RYK: variants seen among roughly 807,000 people sequenced by gnomAD.
RYK encodes the protein inactive tyrosine-protein kinase RYK.
A neutral mutation model predicts 70.2 loss-of-function variants in RYK; 21 were observed. The observed-to-expected ratio is 0.30, with a 90% CI of 0.21 to 0.43. The LOEUF (loss-of-function observed/expected upper bound fraction) is 0.43. Ranked by LOEUF, RYK falls within the 20% of genes least tolerant of loss-of-function variation. The pLI, the probability that RYK is intolerant of heterozygous loss-of-function variation, is 1.00. For missense variants in RYK, 604 were observed against 753.3 expected, an observed-to-expected ratio of 0.80 and a Z score of 2.32; for synonymous variants, 267 against 278.0, an observed-to-expected ratio of 0.96 and a Z score of 0.39.
In RYK at chr3:134,229,379, G is replaced by GAAA. The variant is rs753782991; in HGVS notation, c.233-6841_233-6840insTTT. Among the ~76,000 whole-genome samples, 9 of 61,430 alleles carry GAAA rather than the reference G, an allele frequency of 1.5e-4. 1 individual carries two copies. The South Asian group carries it at 2.2e-3, about 15-fold the overall frequency. 40.3% of individuals were successfully genotyped at this position (61,430 alleles called of 152,430 possible). ...TCTCTCCCTTGCTCTCCTTTGGGCT[G>GAAA]GAAAAAAAAAAAAAAAAAACGTAGG... On this transcript the variant is annotated intron_variant, in intron 1 of 14. Coordinates refer to ENST00000623711, the MANE Select transcript of RYK (RefSeq NM_002958.4).
intron 1 of RYK, among the ~76,000 whole-genome samples, chr3:134,246,353 G>T: frequency 8.9e-6 from 1 of 112,536 alleles, no homozygotes; most frequent in East Asian, 2.4e-4. Context: ...CAGAGAGAGA[G>T]AAAATAAAGG....
At chr3:134,248,415 T>C (rs1306065043) in intron 1 of RYK, among the ~76,000 whole-genome samples, 1 of 152,166 alleles carries the variant, frequency 6.6e-6, no homozygotes, top group Non-Finnish European at 1.5e-5. Context: ...AAGTGCTAAT[T>C]AGCAATGATT....
intron 1 of RYK, among the ~76,000 whole-genome samples, chr3:134,244,247 C>T (rs2015395405): frequency 6.6e-6 from 1 of 152,138 alleles, no homozygotes; most frequent in South Asian, 2.1e-4. Flanking sequence ...TGGCACTGCC[C>T]AGCCATATGC....
intron 9 of RYK, among the ~76,000 whole-genome samples, chr3:134,187,596 C>G (rs2013505179): frequency 6.6e-6 from 1 of 152,086 alleles, no homozygotes; most frequent in Non-Finnish European, 1.5e-5. Flanking sequence ...GCTCTGTCAC[C>G]TAGGCTGGAG....
rs2108136186 is a variant in RYK, at chr3:134,158,259, G to A, written c.1718C>T (p.Ala573Val). 2 of 1,552,840 alleles carry A rather than the reference G, an allele frequency of 1.3e-6. No individual in the cohort carries two copies. Among genetic ancestry groups the A allele is most frequent in the Admixed American group, 1.9e-5 (1 of 52,548 alleles). ...QPINCPDELF[A>V]VMACCWALDP... ...TAAGGCCCAGCAACAGGCCATCACA[G>A]CAAATCTGCAGAGTGACAAAAATGA... is the stretch of plus-strand genomic sequence containing the variant. The change falls in exon 15 of 15, where the codon GCT becomes GTT. Residue 573 changes from alanine (A) to valine (V), a missense_variant. Ala to Val is a moderately conservative substitution (Grantham distance 64, BLOSUM62 0). Transcript: ENST00000623711.
intron 4 of RYK, among the ~76,000 whole-genome samples, chr3:134,208,920 A>G (rs967652591): frequency 2.0e-5 from 3 of 151,522 alleles, no homozygotes; most frequent in African/African-American, 7.3e-5. Context: ...TTTTTAAAGT[A>G]TATTTCCCCC....
chr3:134,250,391 C>A, intron 1 of RYK, 32 bp downstream of exon 1: 1 of 1,342,132 alleles, frequency 7.5e-7, no homozygotes, highest in Non-Finnish European at 9.6e-7. Flanking sequence ...CCGGCCCGAC[C>A]TGCCCGCCCC....
intron 1 of RYK, among the ~76,000 whole-genome samples, chr3:134,241,278 A>C (rs1002454394): frequency 6.6e-6 from 1 of 151,654 alleles, no homozygotes; most frequent in South Asian, 2.1e-4. Context: ...TGAAGCTGGG[A>C]GACAGAGACT....
chr3:134,159,685 A>T (rs1169415250), intron 13 of RYK, among the ~76,000 whole-genome samples: 6 of 152,230 alleles, frequency 3.9e-5, no homozygotes, highest in Admixed American at 3.9e-4. Context: ...GTAACTTTAA[A>T]TATTATAGCT....
intron 7 of RYK, among the ~76,000 whole-genome samples, chr3:134,193,116 T>C (rs981470586): frequency 2.0e-5 from 3 of 152,188 alleles, no homozygotes; most frequent in Admixed American, 6.5e-5. Flanking sequence ...GTAATGGCCA[T>C]GATTACAAAC....
chr3:134,190,984 T>C (rs1414036456), intron 8 of RYK, among the ~76,000 whole-genome samples: 1 of 152,220 alleles, frequency 6.6e-6, no homozygotes, highest in Non-Finnish European at 1.5e-5. Context: ...TCTGCTTCCA[T>C]TAATTACCAT....
chr3:134,178,242 G>T, intron 10 of RYK, 169 bp from the exon 11 acceptor site: 1 of 560,802 alleles, frequency 1.8e-6, no homozygotes, highest in Non-Finnish European at 3.0e-6. Context: ...CCAGACTTAA[G>T]TGTCCCCTAT....
rs10935103 is a variant in RYK, at chr3:134,157,577, A to T, written c.*576T>A. 0.08 allele frequency: 12,160 copies of T among 152,086 alleles called. 1,039 individuals are homozygous for T. The highest frequency in any genetic ancestry group is 0.32 in the South Asian group (1,536 of 4,806). The allele number at this position is 152,086 out of a possible 1,614,324, so 9.4% of individuals were successfully genotyped here. ...GCTTCTAATAAGTATTTTTAAAAAA[A>T]TTTTTTTTTCCTCTAGCTTTTCTTT... On this transcript the variant is annotated 3_prime_UTR_variant, in exon 15 of 15. Transcript: ENST00000623711.
intron 11 of RYK, among the ~76,000 whole-genome samples, chr3:134,176,964 C>T (rs1368909817): frequency 3.3e-5 from 5 of 152,102 alleles, no homozygotes; most frequent in South Asian, 2.1e-4. Flanking sequence ...AGGAGAACGG[C>T]GTGAACCTGG....
In RYK at chr3:134,211,620, C is replaced by A; in HGVS notation, c.355-13G>T. 6.4e-7 allele frequency: 1 copy of A among 1,560,756 alleles called. No individual in the cohort carries two copies. The highest frequency in any genetic ancestry group is 8.8e-7 in the Non-Finnish European group (1 of 1,132,622). Reference sequence around the variant, plus strand: ...GCTTATATTCAACCTGTAAAATAGACAAAAATAAACAAAATGGACCTGTGA... The same window carrying A: ...GCTTATATTCAACCTGTAAAATAGAAAAAAATAAACAAAATGGACCTGTGA... On this transcript the variant is annotated splice_polypyrimidine_tract_variant and intron_variant, in intron 2 of 14. Coordinates refer to ENST00000623711, the MANE Select transcript of RYK (RefSeq NM_002958.4).
At position 134,195,457 on chromosome 3, in the gene RYK, G is replaced by A. The variant is rs189280919; in HGVS notation, c.789-275C>T. 1.2e-3 allele frequency: 366 copies of A among 298,698 alleles called. 1 individual carries two copies. The highest frequency in any genetic ancestry group is 1.4e-3 in the Non-Finnish European group (219 of 161,728). The allele number at this position is 298,698 out of a possible 1,614,324, so 18.5% of individuals were successfully genotyped here. On this transcript the variant is annotated intron_variant, in intron 6 of 14. Coordinates refer to ENST00000623711, the MANE Select transcript of RYK (RefSeq NM_002958.4). ...TAGTGCTCAGACACCTCAGCTAATT[G>A]TCCTAAACTTCACACACAAATATGT... is the stretch of plus-strand genomic sequence containing the variant.
At chr3:134,239,803 T>A (rs1478914728) in intron 1 of RYK, among the ~76,000 whole-genome samples, 1 of 152,226 alleles carries the variant, frequency 6.6e-6, no homozygotes, top group Non-Finnish European at 1.5e-5. Context: ...AAGTATCAGA[T>A]GCTTAAAACA....
In RYK at chr3:134,175,098, G is replaced by A. The variant is rs953019670; in HGVS notation, c.1575+511C>T. On this transcript the variant is annotated intron_variant, in intron 13 of 14. Transcript: ENST00000623711. Reference sequence around the variant, plus strand: ...CACCTGTAATCCCAGGACTTTGGGAGGCGGAGGCAGGTGGATCAACTGAGG... The same window carrying A: ...CACCTGTAATCCCAGGACTTTGGGAAGCGGAGGCAGGTGGATCAACTGAGG... Among the ~76,000 whole-genome samples, 16 of 152,186 alleles carry A rather than the reference G, an allele frequency of 1.1e-4. 1 individual carries two copies.
chr3:134,163,535 G>C (rs919431391), intron 13 of RYK, among the ~76,000 whole-genome samples: 8 of 152,068 alleles, frequency 5.3e-5, no homozygotes, highest in Non-Finnish European at 8.8e-5. Flanking sequence ...CTATATATAA[G>C]ATGTAAAACA....
Sources: allele counts gnomAD v4.1 joint callset (sites outside exome capture counted in the v4.1 genomes callset), GRCh38; gene constraint gnomAD v4.1.1; transcripts MANE v1.5; gene names NCBI Gene and HGNC (gene_info 2026-07-23, HGNC 2026-07-21).